KIAA1217: variants seen among roughly 807,000 people sequenced by gnomAD.
KIAA1217 encodes sickle tail protein homolog.
In KIAA1217, 88 loss-of-function variants were observed where a neutral mutation model predicts 163.9. The ratio of observed to expected loss-of-function variants is 0.54; its 90% CI spans 0.45 to 0.64. The LOEUF (loss-of-function observed/expected upper bound fraction) is 0.64. Among genes scored for constraint, KIAA1217 ranks in the 30% least tolerant of loss-of-function variants. The probability of loss-of-function intolerance (pLI) is 0.00; values close to 1 mark genes in which losing one functional copy is unlikely to be tolerated. For synonymous variants in KIAA1217, 903 were observed against 923.1 expected (o/e 0.98, Z 0.39); for missense variants, 2,372 against 2,475.0 (o/e 0.96, Z 0.88).
At chr10:24,297,564 T>C (rs1218468888) in intron 2 of KIAA1217, among the ~76,000 whole-genome samples, 1 of 152,150 alleles carries the variant, frequency 6.6e-6, no homozygotes, top group Non-Finnish European at 1.5e-5. Flanking sequence ...AAGATCATAC[T>C]GGCCAAGATG....
intron 2 of KIAA1217, among the ~76,000 whole-genome samples, chr10:24,352,216 A>G (rs2048537227): frequency 6.6e-6 from 1 of 152,242 alleles, no homozygotes; most frequent in Non-Finnish European, 1.5e-5. Context: ...AGCTTTCACC[A>G]TTAGTCTTTT....
chr10:23,833,028 A>C (rs1838286397), intron 1 of KIAA1217, among the ~76,000 whole-genome samples: 1 of 152,098 alleles, frequency 6.6e-6, no homozygotes. Context: ...AAGACATGGG[A>C]ATTCAAGATG....
At chr10:24,160,289 A>G (rs528430660) in intron 2 of KIAA1217, among the ~76,000 whole-genome samples, 85 of 152,322 alleles carry the variant, frequency 5.6e-4, no homozygotes, top group African/African-American at 2.0e-3. Flanking sequence ...TGGAATGTTT[A>G]TAGGAATACA....
At chr10:23,884,720 A>C (rs915662059) in intron 1 of KIAA1217, among the ~76,000 whole-genome samples, 1 of 151,946 alleles carries the variant, frequency 6.6e-6, no homozygotes, top group Non-Finnish European at 1.5e-5. Context: ...CTCTCTAATT[A>C]TCCTACCATG....
At chr10:24,434,021 CTCTCTTTTT>C (rs2059810968) in intron 4 of KIAA1217, among the ~76,000 whole-genome samples, 1 of 122,338 alleles carries the variant, frequency 8.2e-6, no homozygotes, top group Non-Finnish European at 1.7e-5. Context: ...CTCTCTCTCT[CTCTCTTTTT>C]TTTTTTTTTT....
chr10:24,446,898 T>C (rs561101841), intron 5 of KIAA1217, among the ~76,000 whole-genome samples: 2 of 152,178 alleles, frequency 1.3e-5, no homozygotes, highest in Non-Finnish European at 2.9e-5. Flanking sequence ...GCAGGCCAAC[T>C]CTAGAACTGG....
intron 2 of KIAA1217, among the ~76,000 whole-genome samples, chr10:24,374,892 C>A (rs909377569): frequency 1.3e-5 from 2 of 152,174 alleles, no homozygotes; most frequent in Non-Finnish European, 2.9e-5. Context: ...TCAAGCCATC[C>A]TCCTGCCTCA....
intron 2 of KIAA1217, among the ~76,000 whole-genome samples, chr10:24,010,783 AG>A (rs1316734532): frequency 1.3e-5 from 2 of 151,994 alleles, no homozygotes; most frequent in Non-Finnish European, 2.9e-5. Context: ...CAGGGCCTGA[AG>A]GCTTTTCTGG....
rs765161388 is a variant in KIAA1217, at chr10:24,423,068, C to T, written c.554-9927C>T. 5.5e-4 allele frequency among the ~76,000 whole-genome samples: 84 copies of T among 151,706 alleles called. No individual in the cohort carries two copies. The Middle Eastern group carries it at 0.01, about 18-fold the overall frequency. On this transcript the variant is annotated intron_variant, in intron 3 of 20. Transcript: ENST00000376454. ...TACAGGCACCCACCACCACACCCAG[C>T]TAATTTTGTTTTTGTATTTTTAGTA...
intron 2 of KIAA1217, among the ~76,000 whole-genome samples, chr10:24,188,830 G>T (rs535344650): frequency 6.6e-6 from 1 of 152,282 alleles, no homozygotes; most frequent in East Asian, 1.9e-4. Context: ...CCTCGGCCGG[G>T]TGCAGTGGCT....
chr10:23,862,560 A>C (rs547230222), intron 1 of KIAA1217, among the ~76,000 whole-genome samples: 3 of 152,272 alleles, frequency 2.0e-5, no homozygotes, highest in Admixed American at 6.5e-5. Flanking sequence ...TTTAAGATAT[A>C]GGGAAATTTT....
chr10:24,381,692 T>C (rs2053327289), intron 3 of KIAA1217, among the ~76,000 whole-genome samples: 1 of 152,202 alleles, frequency 6.6e-6, no homozygotes. Flanking sequence ...ACCAGTGCTC[T>C]ATAGGAAATT....
intron 17 of KIAA1217, among the ~76,000 whole-genome samples, chr10:24,540,223 G>A (rs2074810740): frequency 6.6e-6 from 1 of 151,958 alleles, no homozygotes; most frequent in African/African-American, 2.4e-5. Flanking sequence ...ATTACAGGGG[G>A]GATTTTTGAA....
intron 2 of KIAA1217, among the ~76,000 whole-genome samples, chr10:24,035,659 T>C (rs1297777359): frequency 6.6e-6 from 1 of 152,154 alleles, no homozygotes; most frequent in Admixed American, 6.5e-5. Flanking sequence ...TTAGGGACTG[T>C]GAAGAAATGA....
chr10:23,735,991 A>G (rs1308779405), intron 1 of KIAA1217, among the ~76,000 whole-genome samples: 2 of 152,204 alleles, frequency 1.3e-5, no homozygotes, highest in African/African-American at 4.8e-5. Flanking sequence ...ATAGGCATAC[A>G]TTTACATTTT....
At chr10:24,243,278 T>C (rs2131336457) in intron 2 of KIAA1217, among the ~76,000 whole-genome samples, 1 of 152,288 alleles carries the variant, frequency 6.6e-6, no homozygotes, top group South Asian at 2.1e-4. Flanking sequence ...TTTTATTTTC[T>C]TTTAGATTCA....
intron 2 of KIAA1217, among the ~76,000 whole-genome samples, chr10:24,299,411 G>GT (rs1033584880): frequency 5.9e-5 from 9 of 152,038 alleles, no homozygotes; most frequent in South Asian, 2.1e-4. Context: ...TGATATGTGA[G>GT]TTTTTTCCTT....
At chr10:23,710,716 C>A (rs12415210) in intron 1 of KIAA1217, among the ~76,000 whole-genome samples, 23,853 of 152,074 alleles carry the variant, frequency 0.16, 3,459 homozygotes, top group African/African-American at 0.38. Context: ...TATAGCTGTG[C>A]CTTGATTTTG....
intron 1 of KIAA1217, among the ~76,000 whole-genome samples, chr10:23,970,440 T>C (rs933432891): frequency 2.6e-5 from 4 of 152,168 alleles, no homozygotes; most frequent in African/African-American, 7.2e-5. Context: ...AAAGTCAAAC[T>C]TGTAGAAGTA....
Sources: allele counts gnomAD v4.1 joint callset (sites outside exome capture counted in the v4.1 genomes callset), GRCh38; gene constraint gnomAD v4.1.1; transcripts MANE v1.5; gene names NCBI Gene and HGNC (gene_info 2026-07-23, HGNC 2026-07-21).